ABCB4: variants seen among roughly 807,000 people sequenced by gnomAD.
The protein encoded by ABCB4 is ATP binding cassette subfamily B member 4, also known as phosphatidylcholine translocator ABCB4.
A neutral mutation model predicts 145.7 loss-of-function variants in ABCB4; 76 were observed. That is an observed-to-expected ratio of 0.52 (90% CI 0.43 to 0.63). The LOEUF (loss-of-function observed/expected upper bound fraction) is 0.63. Among genes scored for constraint, ABCB4 ranks in the 30% least tolerant of loss-of-function variants. The pLI is 0.00. For synonymous variants in ABCB4, 517 were observed against 566.8 expected (o/e 0.91, Z 1.25); for missense variants, 1,234 against 1,553.1 (o/e 0.79, Z 3.45).
chr7:87,465,998 T>C (rs1163657598), intron 3 of ABCB4, among the ~76,000 whole-genome samples: 1 of 152,118 alleles, frequency 6.6e-6, no homozygotes, highest in African/African-American at 2.4e-5. Flanking sequence ...GCGCCTCTCC[T>C]CCTCCAAAGG....
Position 87,439,751 on chromosome 7 carries a change from G to A in ABCB4, c.1647C>T (p.Arg549=). Residue 549 remains arginine, a synonymous_variant, in exon 14 of 28, where the codon CGC becomes CGT. Transcript: ENST00000649586. Reference sequence around the variant, plus strand: ...CATCCAGCAGAAGGATCTTGGGGTTGCGAACCAGGGCACGTGCAATGGCGA... The same window carrying A: ...CATCCAGCAGAAGGATCTTGGGGTTACGAACCAGGGCACGTGCAATGGCGA... ...QRIAIARALV[R]NPKILLLDEA... 1 of 1,614,146 alleles carries A rather than the reference G, an allele frequency of 6.2e-7. No homozygotes were observed. The highest frequency in any genetic ancestry group is 8.5e-7 in the Non-Finnish European group (1 of 1,180,022).
At chr7:87,442,645 A>AACAC (rs990253642) in intron 12 of ABCB4, among the ~76,000 whole-genome samples, 7 of 151,912 alleles carry the variant, frequency 4.6e-5, no homozygotes, top group African/African-American at 1.4e-4. Context: ...CACACACATA[A>AACAC]ACACACACAT....
At chr7:87,443,602 C>T (rs1811137826) in intron 11 of ABCB4, 61 bp downstream of exon 11, 3 of 1,546,766 alleles carry the variant, frequency 1.9e-6, no homozygotes, top group Non-Finnish European at 2.7e-6. Context: ...AGACTTTATT[C>T]TTTAAAATGA....
the ABCB4 span, among the ~76,000 whole-genome samples, chr7:87,366,090 A>T: frequency 6.6e-6 from 1 of 152,052 alleles, no homozygotes; most frequent in Middle Eastern, 3.2e-3. Context: ...GCTCTGATCT[A>T]CCCTCACGAC....
chr7:87,417,510 T>C lies in ABCB4; in HGVS notation c.2484A>G (p.Thr828=), dbSNP rs2116465627. The change falls in exon 21 of 28, where the codon ACA becomes ACG. Residue 828 remains threonine (T), a synonymous_variant. Coordinates refer to ENST00000649586, the MANE Select transcript of ABCB4 (RefSeq NM_000443.4). ...ATDAAQVQGA[T]GTRLALIAQN... ...GTGCAATTAAAGCCAACCTGGTTCC[T>C]GTGGCCTGGGAGAGAAAAAGCACAA... 1 of 1,614,040 alleles carries C rather than the reference T, an allele frequency of 6.2e-7. No individual in the cohort carries two copies. The highest frequency in any genetic ancestry group is 1.7e-5 in the Admixed American group (1 of 60,028).
intron 19 of ABCB4, among the ~76,000 whole-genome samples, chr7:87,419,352 G>T (rs1479968677): frequency 2.6e-5 from 4 of 152,076 alleles, no homozygotes; most frequent in Admixed American, 2.6e-4. Flanking sequence ...CCCTCTCTTA[G>T]GCATTTTCTA....
chr7:87,427,259 G>A (rs1809901683), intron 15 of ABCB4, among the ~76,000 whole-genome samples: 1 of 151,838 alleles, frequency 6.6e-6, no homozygotes, highest in Admixed American at 6.6e-5. Flanking sequence ...AGAAAGGGAA[G>A]AAGACTACAT....
At chr7:87,378,227 C>G in the ABCB4 span, among the ~76,000 whole-genome samples, 1 of 151,500 alleles carries the variant, frequency 6.6e-6, no homozygotes, top group Non-Finnish European at 1.5e-5. Flanking sequence ...GCCTGTGATC[C>G]CAGCTACTTG....
At position 87,401,792 on chromosome 7, in the gene ABCB4, C is replaced by T; in HGVS notation, c.*304G>A. ...CCCATTCAGGACCATAAGACCATTTCCCTATGTCTGTGGCTTCTATATTTC... is the reference window on the plus strand; with the variant it reads ...CCCATTCAGGACCATAAGACCATTTTCCTATGTCTGTGGCTTCTATATTTC... On this transcript the variant is annotated 3_prime_UTR_variant, in exon 28 of 28. Coordinates refer to ENST00000649586, the MANE Select transcript of ABCB4 (RefSeq NM_000443.4). 2.1e-6 allele frequency: 1 copy of T among 466,552 alleles called. No homozygotes were observed. Among genetic ancestry groups the T allele is most frequent in the Non-Finnish European group, 4.0e-6 (1 of 250,648 alleles). The allele number at this position is 466,552 out of a possible 1,614,324, so 28.9% of individuals were successfully genotyped here. A position where few individuals can be genotyped will look rare whatever the true frequency, so the allele number is the denominator to read the frequency against.
chr7:87,465,399 A>T (rs1220463249), intron 3 of ABCB4, among the ~76,000 whole-genome samples: 1 of 152,128 alleles, frequency 6.6e-6, no homozygotes, highest in Non-Finnish European at 1.5e-5. Context: ...TAGGTAAACA[A>T]AGCGGCCAGG....
intron 2 of ABCB4, among the ~76,000 whole-genome samples, chr7:87,474,242 T>C (rs1813633151): frequency 6.6e-6 from 1 of 152,212 alleles, no homozygotes; most frequent in African/African-American, 2.4e-5. Context: ...AAATGCCATC[T>C]ATTAATAGAC....
the ABCB4 span, chr7:87,382,592 T>G: frequency 1.3e-6 from 2 of 1,539,854 alleles, no homozygotes; most frequent in Non-Finnish European, 1.7e-6. Context: ...TCCAAGGGTA[T>G]ATCTTTTTTT....
chr7:87,467,259 G>C (rs1403038001), intron 3 of ABCB4, among the ~76,000 whole-genome samples: 1 of 152,154 alleles, frequency 6.6e-6, no homozygotes, highest in African/African-American at 2.4e-5. Context: ...CCTAGTCTCT[G>C]ATAAAACAGA....
At chr7:87,376,579 T>C in the ABCB4 span, among the ~76,000 whole-genome samples, 2 of 151,934 alleles carry the variant, frequency 1.3e-5, no homozygotes, top group Admixed American at 1.3e-4. Flanking sequence ...TTAATCGGTA[T>C]TAAATAATAG....
rs186002242 is a variant in ABCB4, at chr7:87,443,202, T to C, written c.1356+117A>G. 19 of 1,366,684 alleles carry C rather than the reference T, an allele frequency of 1.4e-5. 1 individual carries two copies. In the Admixed American group the frequency reaches 3.0e-4, roughly 22 times the overall value. 84.7% of individuals were successfully genotyped at this position (1,366,684 alleles called of 1,614,324 possible). On this transcript the variant is annotated intron_variant, in intron 12 of 27. Transcript: ENST00000649586. The stretch of plus-strand genomic sequence containing the variant: ...GGCATTATCCATCGGCATTGCCATT[T>C]TGTAGGCTTTTTACCAAAACTGGAT...
chr7:87,451,424 C>T (rs1359703562), intron 7 of ABCB4, among the ~76,000 whole-genome samples, 199 bp downstream of exon 7: 1 of 152,178 alleles, frequency 6.6e-6, no homozygotes, highest in Non-Finnish European at 1.5e-5. Flanking sequence ...AATGAGTCAC[C>T]ACACCCAGCC....
rs780741213 is a variant in ABCB4, at chr7:87,417,419, A to C, written c.2575T>G (p.Leu859Val). 1 of 1,614,048 alleles carries C rather than the reference A, an allele frequency of 6.2e-7. No individual in the cohort carries two copies. The highest frequency in any genetic ancestry group is 1.7e-5 in the Admixed American group (1 of 60,008). The change falls in exon 21 of 28, where the codon TTG (leucine) becomes GTG (valine). Residue 859 changes from leucine (L) to valine (V), a missense_variant. Physicochemically the swap from Leu to Val is conservative, Grantham distance 32. Transcript: ENST00000649586. ...SFIYGWQLTLLLLAVVPIIAV... is the reference protein window; with the variant it reads ...SFIYGWQLTLVLLAVVPIIAV... Reference sequence around the variant, plus strand: ...ATAATTGGAACAACTGCTAATAGCAATAGGGTTAACTGCCAACCGTAGATA... The same window carrying C: ...ATAATTGGAACAACTGCTAATAGCACTAGGGTTAACTGCCAACCGTAGATA...
At chr7:87,439,078 G>A (rs2116678816) in intron 14 of ABCB4, among the ~76,000 whole-genome samples, 1 of 152,280 alleles carries the variant, frequency 6.6e-6, no homozygotes, top group South Asian at 2.1e-4. Flanking sequence ...ACCCCCAAAA[G>A]TGTACCAAGA....
intron 12 of ABCB4, 35 bp from the exon 13 acceptor site, chr7:87,440,437 A>C (rs758148153): frequency 1.3e-6 from 2 of 1,568,324 alleles, no homozygotes; most frequent in Non-Finnish European, 1.8e-6. Flanking sequence ...TAAGTATTTA[A>C]CCATTTAATA....
Sources: gnomAD v4.1 joint callset for allele counts (sites outside exome capture counted in the v4.1 genomes callset) on GRCh38, gnomAD v4.1.1 for gene constraint, MANE v1.5 for transcripts, NCBI Gene and HGNC (gene_info 2026-07-23, HGNC 2026-07-21) for gene names.